Variants in CHRNB4 observed in about 807,000 individuals in gnomAD.
The protein encoded by CHRNB4 is cholinergic receptor nicotinic beta 4 subunit, also known as neuronal acetylcholine receptor subunit beta-4.
Under a neutral mutation model 40.4 loss-of-function variants are expected in CHRNB4, and 23 were observed. The observed-to-expected ratio is 0.57, with a 90% confidence interval of 0.41 to 0.81. The LOEUF is 0.81. Ranked by LOEUF, CHRNB4 falls within the 30% of genes least tolerant of loss-of-function variation. The pLI, the probability that CHRNB4 is intolerant of heterozygous loss-of-function variation, is 0.00. For synonymous variants in CHRNB4, 285 were observed against 274.4 expected (o/e 1.04, Z -0.38); for missense variants, 568 against 670.6 (o/e 0.85, Z 1.69).
At chr15:78,659,657 G>A (rs983863937) in intron 1 of CHRNB4, among the ~76,000 whole-genome samples, 4 of 152,218 alleles carry the variant, frequency 2.6e-5, no homozygotes, top group Admixed American at 2.0e-4. Context: ...CAGAGGGACA[G>A]TCTTGGCATG....
chr15:78,636,378 G>A (rs1238886401), intron 1 of CHRNB4, among the ~76,000 whole-genome samples: 2 of 152,002 alleles, frequency 1.3e-5, no homozygotes, highest in African/African-American at 2.4e-5. Flanking sequence ...CAGCAAACTG[G>A]TCTAGGGCCC....
At chr15:78,633,858 A>C (rs2053887928) in intron 2 of CHRNB4, among the ~76,000 whole-genome samples, 1 of 146,048 alleles carries the variant, frequency 6.8e-6, no homozygotes, top group African/African-American at 2.5e-5. Context: ...AAGAGATGAG[A>C]GTCAGCAGAG....
At chr15:78,659,679 T>C (rs1480764585) in intron 1 of CHRNB4, among the ~76,000 whole-genome samples, 1 of 151,570 alleles carries the variant, frequency 6.6e-6, no homozygotes, top group African/African-American at 2.4e-5. Context: ...GAGGCTGATG[T>C]TGTGTGAACA....
At chr15:78,637,723 C>T (rs572877359) in intron 1 of CHRNB4, among the ~76,000 whole-genome samples, 4 of 152,282 alleles carry the variant, frequency 2.6e-5, no homozygotes, top group East Asian at 3.9e-4. Context: ...GCCACCCTGC[C>T]GACTTCATCC....
upstream of CHRNB4, among the ~76,000 whole-genome samples, chr15:78,643,853 G>GA (rs1312350068): frequency 6.6e-6 from 1 of 152,008 alleles, no homozygotes; most frequent in East Asian, 1.9e-4. Context: ...AAATGAAATA[G>GA]AAAAAGAGAT....
In CHRNB4 at chr15:78,629,086, C is replaced by G. The variant is rs759984077; in HGVS notation, c.1219G>C (p.Ala407Pro). 1 of 1,614,202 alleles carries G rather than the reference C, an allele frequency of 6.2e-7. No homozygotes were observed. The highest frequency in any genetic ancestry group is 8.5e-7 in the Non-Finnish European group (1 of 1,180,044). Residue 407 changes from alanine (A) to proline (P), a missense_variant, in exon 5 of 6, where the codon GCT (alanine) becomes CCT (proline). Physicochemically the swap from Ala to Pro is conservative, Grantham distance 27. Around this residue, in one of 4 missense-constraint regions of CHRNB4, gnomAD observed 242 missense variants for 274.9 expected, o/e 0.88. Coordinates refer to ENST00000261751, the MANE Select transcript of CHRNB4 (RefSeq NM_000750.5). The surrounding 1 kb of genome is among the most constrained non-coding windows in gnomAD (Gnocchi z 6.8). Reference protein sequence around the residue: ...SKSPAGSTPVAIPRDFWLRSS... With the variant: ...SKSPAGSTPVPIPRDFWLRSS... The stretch of plus-strand genomic sequence containing the variant: ...CGCAGCCAGAAATCCCTGGGGATAG[C>G]CACCGGGGTAGAGCCGGCTGGAGAC...
intron 3 of CHRNB4, 29 bp from the exon 4 acceptor site, chr15:78,631,214 TG>T: frequency 6.2e-7 from 1 of 1,612,850 alleles, no homozygotes; most frequent in African/African-American, 1.3e-5. Context: ...CCCTGTCACT[TG>T]CAGGTCCACT....
Position 78,635,509 on chromosome 15 carries a change from C to G in CHRNB4, c.134G>C (p.Arg45Pro), listed in dbSNP as rs773298633. 1.9e-6 allele frequency: 3 copies of G among 1,614,090 alleles called. No individual in the cohort carries two copies. The highest frequency in any genetic ancestry group is 1.7e-6 in the Non-Finnish European group (2 of 1,180,018). The change falls in exon 2 of 6, where the codon CGC (arginine) becomes CCC (proline). Residue 45 changes from arginine to proline, a missense_variant. By Grantham distance (103) the Arg-to-Pro change is moderately radical. Around this residue, in one of 4 missense-constraint regions of CHRNB4, gnomAD observed 161 missense variants for 148.1 expected, o/e 1.09. Transcript: ENST00000261751. ...GAGCTGTGAGGAGCTGGTGGCTGGG[C>G]GGATCAGGTTATTGTAACGGGTTTT... The part of the protein sequence containing the change: ...LNKTRYNNLI[R>P]PATSSSQLIS...
rs570224143 is a variant in CHRNB4, at chr15:78,637,715, C to T, written c.56-2128G>A. ...ACTCCTGGTTGTGGGGAGCAGCCGC[C>T]ACCCTGCCGACTTCATCCACTTTCC... On this transcript the variant is annotated intron_variant, in intron 1 of 5. Coordinates refer to ENST00000261751, the MANE Select transcript of CHRNB4 (RefSeq NM_000750.5). Among the ~76,000 whole-genome samples, 362 of 152,288 alleles carry T rather than the reference C, an allele frequency of 2.4e-3. 1 individual carries two copies. Among genetic ancestry groups the T allele is most frequent in the Non-Finnish European group, 4.1e-3 (280 of 68,010 alleles).
Position 78,631,092 on chromosome 15 carries a change from T to C in CHRNB4, c.343A>G (p.Ile115Val). The change falls in exon 4 of 6, where the codon ATC (isoleucine) becomes GTC (valine). Residue 115 changes from isoleucine (I) to valine (V), a missense_variant. Transcript: ENST00000261751. The stretch of plus-strand genomic sequence containing the variant: ...GCCACTCACTTGTTGTAAAGCACGA[T>C]GTCAGGCAACCAGATGCGCTTTGCA... ...IPAKRIWLPDIVLYNNADGTY... is the reference protein window; with the variant it reads ...IPAKRIWLPDVVLYNNADGTY... The C allele has an allele frequency of 6.2e-7, 1 of 1,614,104 alleles. No individual in the cohort carries two copies. The highest frequency in any genetic ancestry group is 8.5e-7 in the Non-Finnish European group (1 of 1,179,956).
Position 78,624,924 on chromosome 15 carries a change from A to C in CHRNB4, c.*209T>G, listed in dbSNP as rs2053614429. 2 of 1,474,362 alleles carry C rather than the reference A, an allele frequency of 1.4e-6. No individual in the cohort carries two copies. The highest frequency in any genetic ancestry group is 4.6e-5 in the Admixed American group (2 of 43,036). 91.3% of individuals were successfully genotyped at this position (1,474,362 alleles called of 1,614,324 possible). On this transcript the variant is annotated 3_prime_UTR_variant, in exon 6 of 6. Transcript: ENST00000261751. ...ATTGAACTGTCTGAAGCTCCCTCCTACTGGGGCTTCCTGGGATCCCTCCAA... is the reference window on the plus strand; with the variant it reads ...ATTGAACTGTCTGAAGCTCCCTCCTCCTGGGGCTTCCTGGGATCCCTCCAA...
chr15:78,630,083 A>C, intron 4 of CHRNB4, 138 bp from the exon 5 acceptor site: 2 of 961,868 alleles, frequency 2.1e-6, no homozygotes, highest in Non-Finnish European at 2.8e-6. Context: ...CACTGAAAGG[A>C]GGGGTCTGCT....
At chr15:78,654,662 T>C (rs1221116914) in intron 5 of CHRNB4, among the ~76,000 whole-genome samples, 2 of 152,238 alleles carry the variant, frequency 1.3e-5, no homozygotes, top group African/African-American at 4.8e-5. Flanking sequence ...AGATCATCCC[T>C]ATACTGTCTG....
chr15:78,627,743 A>G (rs1173096038), intron 5 of CHRNB4: 2 of 152,218 alleles, frequency 1.3e-5, no homozygotes, highest in Non-Finnish European at 2.9e-5. Flanking sequence ...TGTCACCACC[A>G]CATTCTGTGT....
intron 5 of CHRNB4, chr15:78,626,694 G>A (rs912303530): frequency 1.3e-5 from 2 of 152,184 alleles, no homozygotes; most frequent in African/African-American, 4.8e-5. Context: ...CGCTTTGAAA[G>A]CCTCCTTATT....
chr15:78,630,087 G>A (rs1596102480), intron 4 of CHRNB4, 142 bp from the exon 5 acceptor site: 2 of 914,988 alleles, frequency 2.2e-6, no homozygotes, highest in African/African-American at 3.4e-5. Flanking sequence ...GAAAGGAGGG[G>A]TCTGCTTTTG....
At chr15:78,654,842 C>T (rs2054199465) in intron 5 of CHRNB4, among the ~76,000 whole-genome samples, 2 of 152,174 alleles carry the variant, frequency 1.3e-5, no homozygotes, top group South Asian at 2.1e-4. Context: ...ATTACCAGCA[C>T]CCTAAAAGAC....
intron 4 of CHRNB4, 67 bp downstream of exon 4, chr15:78,631,009 A>C: frequency 7.9e-7 from 1 of 1,260,360 alleles, no homozygotes; most frequent in South Asian, 1.2e-5. Context: ...GGCCTGGATG[A>C]CTCTTAGGGC....
intron 2 of CHRNB4, 93 bp from the exon 3 acceptor site, chr15:78,631,425 C>T: frequency 8.0e-7 from 1 of 1,243,042 alleles, no homozygotes; most frequent in Non-Finnish European, 1.1e-6. Flanking sequence ...GAGCTCCAGG[C>T]CCACGTGACC....
Sources: gnomAD v4.1 joint callset for allele counts (sites outside exome capture counted in the v4.1 genomes callset) on GRCh38, gnomAD v4.1.1 for gene constraint, gnomAD v4.1.1 regional missense constraint, Gnocchi (gnomAD v3.1) non-coding constraint, MANE v1.5 for transcripts, NCBI Gene and HGNC (gene_info 2026-07-23, HGNC 2026-07-21) for gene names.